Variants in PJA2 observed in about 807,000 individuals in gnomAD.
PJA2 encodes the protein E3 ubiquitin-protein ligase Praja-2.
In PJA2, 25 loss-of-function variants were observed where a neutral mutation model predicts 69.3. That is an observed-to-expected ratio of 0.36 (90% CI 0.26 to 0.50). The LOEUF is 0.50. Among genes scored for constraint, PJA2 ranks in the 20% least tolerant of loss-of-function variants. The pLI, the probability that PJA2 is intolerant of heterozygous loss-of-function variation, is 0.96. For missense variants in PJA2, 809 were observed against 830.2 expected (o/e 0.97, Z 0.31); for synonymous variants, 308 against 277.8 (o/e 1.11, Z -1.08).
chr5:109,353,757 G>T (rs1762329842), intron 7 of PJA2, among the ~76,000 whole-genome samples: 7 of 116,210 alleles, frequency 6.0e-5, no homozygotes, highest in Admixed American at 8.5e-5. Context: ...AGATATCTAT[G>T]ATATCTAGAG....
intron 1 of PJA2, among the ~76,000 whole-genome samples, chr5:109,398,072 C>T (rs1252414733): frequency 3.3e-5 from 5 of 152,170 alleles, no homozygotes; most frequent in African/African-American, 1.2e-4. Flanking sequence ...CACTGGCCAT[C>T]AGAGAAATGC....
chr5:109,350,977 G>C (rs1762240896), intron 7 of PJA2, among the ~76,000 whole-genome samples: 1 of 152,070 alleles, frequency 6.6e-6, no homozygotes, highest in Admixed American at 6.6e-5. Context: ...CTAACATTCT[G>C]TTTATACTTG....
intron 1 of PJA2, among the ~76,000 whole-genome samples, chr5:109,396,422 CTTTTTTTTTTTTT>C (rs35744917): frequency 3.5e-5 from 3 of 85,264 alleles, no homozygotes; most frequent in East Asian, 3.0e-4. Context: ...ATGTAAAGTT[CTTTTTTTTTTTTT>C]TTTTTTTTTG....
rs376447082 is a variant in PJA2, at chr5:109,354,325, A to G, written c.1764+1590T>C. 7.8e-3 allele frequency among the ~76,000 whole-genome samples: 438 copies of G among 56,458 alleles called. 1 individual carries two copies. Among genetic ancestry groups the G allele is most frequent in the Non-Finnish European group, 0.015 (267 of 17,306 alleles). The allele number at this position is 56,458 out of a possible 152,430, so 37.0% of individuals were successfully genotyped here. On this transcript the variant is annotated intron_variant, in intron 7 of 9. Transcript: ENST00000361189. ...AGAGATATCTATAGATTAGATATCT[A>G]TGATATCTAGAGATATCTATAGATT...
intron 1 of PJA2, among the ~76,000 whole-genome samples, chr5:109,404,431 T>C (rs574562419): frequency 6.6e-6 from 1 of 151,858 alleles, no homozygotes; most frequent in Non-Finnish European, 1.5e-5. Flanking sequence ...TGAGGCAGAA[T>C]TGCTTGAGCC....
chr5:109,365,166 AT>A (rs1762565242), intron 5 of PJA2, among the ~76,000 whole-genome samples: 2 of 152,042 alleles, frequency 1.3e-5, no homozygotes, highest in South Asian at 2.1e-4. Context: ...TGTGTTTTTT[AT>A]TTTTTCTTCA....
chr5:109,399,879 G>T (rs184333809), intron 1 of PJA2, among the ~76,000 whole-genome samples: 1 of 152,118 alleles, frequency 6.6e-6, no homozygotes, highest in Non-Finnish European at 1.5e-5. Flanking sequence ...ATCAACTCAT[G>T]AGAAATTTCA....
chr5:109,406,039 C>CTT (rs1561368700), intron 1 of PJA2, among the ~76,000 whole-genome samples: 25 of 136,012 alleles, frequency 1.8e-4, no homozygotes, highest in African/African-American at 5.9e-4. Context: ...AAGACAAACC[C>CTT]ATTTTTTTTT....
chr5:109,343,579 TA>T (rs1762123208), intron 9 of PJA2, among the ~76,000 whole-genome samples: 1 of 152,154 alleles, frequency 6.6e-6, no homozygotes, highest in South Asian at 2.1e-4. Context: ...GGGTTATGAT[TA>T]AAATTCTAAT....
intron 7 of PJA2, 99 bp from the exon 8 acceptor site, chr5:109,344,918 C>A: frequency 1.4e-6 from 1 of 713,838 alleles, no homozygotes; most frequent in African/African-American, 1.8e-5. Context: ...CCATTATTCT[C>A]TTTTTGTTAG....
intron 7 of PJA2, among the ~76,000 whole-genome samples, chr5:109,352,558 G>C (rs921108039): frequency 2.0e-4 from 30 of 152,142 alleles, no homozygotes; most frequent in African/African-American, 7.0e-4. Context: ...AATCCTAATT[G>C]TATCCTATCT....
At chr5:109,404,632 A>G (rs1033985475) in intron 1 of PJA2, among the ~76,000 whole-genome samples, 2 of 152,186 alleles carry the variant, frequency 1.3e-5, no homozygotes, top group African/African-American at 4.8e-5. Flanking sequence ...CCTGGTTCAC[A>G]GACTGCAGTT....
intron 4 of PJA2, among the ~76,000 whole-genome samples, chr5:109,376,359 A>T (rs1192397096): frequency 1.3e-5 from 2 of 151,904 alleles, no homozygotes; most frequent in African/African-American, 4.8e-5. Context: ...AAAATACCTT[A>T]TAACTATGAA....
chr5:109,348,874 G>A (rs1176528567), intron 7 of PJA2, among the ~76,000 whole-genome samples: 1 of 152,028 alleles, frequency 6.6e-6, no homozygotes, highest in East Asian at 1.9e-4. Flanking sequence ...TTATGTGCTT[G>A]TTTTATGTAT....
At position 109,364,716 on chromosome 5, in the gene PJA2, G is replaced by A. The variant is rs191709228; in HGVS notation, c.1470-1694C>T. The stretch of plus-strand genomic sequence containing the variant: ...GGACACAAAACTCAAACTGAGAAAC[G>A]TGAACTACAATACAAGAGAGACAAA... On this transcript the variant is annotated intron_variant, in intron 5 of 9. Coordinates refer to ENST00000361189, the MANE Select transcript of PJA2 (RefSeq NM_014819.5). Among the ~76,000 whole-genome samples the A allele has an allele frequency of 7.5e-3, 1,065 of 142,864 alleles. 5 individuals are homozygous for A. The highest frequency in any genetic ancestry group is 0.023 in the Middle Eastern group (6 of 266). The allele number at this position is 142,864 out of a possible 152,430, so 93.7% of individuals were successfully genotyped here. A position where few individuals can be genotyped will look rare whatever the true frequency, so the allele number is the denominator to read the frequency against.
intron 1 of PJA2, among the ~76,000 whole-genome samples, chr5:109,407,523 T>C (rs1747719165): frequency 2.0e-5 from 3 of 152,182 alleles, no homozygotes; most frequent in Admixed American, 2.0e-4. Context: ...ATCAGTGCTA[T>C]TAGTTTTTAA....
intron 1 of PJA2, among the ~76,000 whole-genome samples, chr5:109,406,212 T>C (rs1747689692): frequency 6.6e-6 from 1 of 152,118 alleles, no homozygotes. Flanking sequence ...GGCTAATTTT[T>C]TGTATTTTTA....
In PJA2 at chr5:109,409,962, C is replaced by CGGCGGCGGCGGT. The variant is rs1183005535; in HGVS notation, c.-220_-209dup. 1.5e-4 allele frequency: 33 copies of CGGCGGCGGCGGT among 214,732 alleles called. No homozygotes were observed. Among genetic ancestry groups the CGGCGGCGGCGGT allele is most frequent in the East Asian group, 3.3e-4 (2 of 6,048 alleles). 13.3% of individuals were successfully genotyped at this position (214,732 alleles called of 1,614,324 possible). A position where few individuals can be genotyped will look rare whatever the true frequency, so the allele number is the denominator to read the frequency against. On this transcript the variant is annotated 5_prime_UTR_variant, in exon 1 of 10. Transcript: ENST00000361189. ...GCGAAGCGGCTGGCGGCTGTGGCGG[C>CGGCGGCGGCGGT]GGCGGCGGCGGTGGCGGCGGCGGAA...
chr5:109,401,053 A>C (rs1747534761), intron 1 of PJA2, among the ~76,000 whole-genome samples: 2 of 152,190 alleles, frequency 1.3e-5, no homozygotes, highest in African/African-American at 4.8e-5. Flanking sequence ...GCACTTTGGG[A>C]GGCCAAGGAG....
Sources: allele counts gnomAD v4.1 joint callset (sites outside exome capture counted in the v4.1 genomes callset), GRCh38; gene constraint gnomAD v4.1.1; transcripts MANE v1.5; gene names NCBI Gene and HGNC (gene_info 2026-07-23, HGNC 2026-07-21).